Variants in WDFY2 observed in about 807,000 individuals in gnomAD.
The protein encoded by WDFY2 is WD repeat and FYVE domain containing 2.
Under a neutral mutation model 56.4 loss-of-function variants are expected in WDFY2, and 36 were observed. That is an observed-to-expected ratio of 0.64 (90% CI 0.49 to 0.84). WDFY2 has a LOEUF of 0.84. Among genes scored for constraint, WDFY2 ranks in the 40% least tolerant of loss-of-function variants. The pLI is 0.00. For synonymous variants in WDFY2, 176 were observed against 183.7 expected, an observed-to-expected ratio of 0.96 and a Z score of 0.34; for missense variants, 444 against 512.2, an observed-to-expected ratio of 0.87 and a Z score of 1.29.
chr13:51,593,122 A>G (rs1036408970), intron 1 of WDFY2, among the ~76,000 whole-genome samples: 3 of 152,166 alleles, frequency 2.0e-5, no homozygotes, highest in African/African-American at 7.2e-5. Flanking sequence ...TCTTGCCCTC[A>G]CTTAAACTTT....
chr13:51,758,433 C>T (rs1339579393), intron 11 of WDFY2, 133 bp downstream of exon 11: 1 of 509,374 alleles, frequency 2.0e-6, no homozygotes, highest in Non-Finnish European at 3.5e-6. Context: ...TGTCTGTAGT[C>T]CCAGCTACTC....
At chr13:51,599,788 A>G (rs1954230268) in intron 1 of WDFY2, among the ~76,000 whole-genome samples, 1 of 152,196 alleles carries the variant, frequency 6.6e-6, no homozygotes, top group African/African-American at 2.4e-5. Context: ...ATAAAGTGAC[A>G]ATTGAAACAA....
At chr13:51,610,101 G>A (rs1954468091) in intron 1 of WDFY2, among the ~76,000 whole-genome samples, 1 of 152,126 alleles carries the variant, frequency 6.6e-6, no homozygotes, top group Admixed American at 6.5e-5. Flanking sequence ...CTGGGGTTGG[G>A]GTGGTGAATG....
chr13:51,684,187 G>A (rs1956022535), intron 3 of WDFY2, among the ~76,000 whole-genome samples: 2 of 152,110 alleles, frequency 1.3e-5, no homozygotes, highest in African/African-American at 4.8e-5. Context: ...TTGGCACAAA[G>A]AACAGAAGAG....
chr13:51,730,624 C>T (rs781513637), intron 6 of WDFY2, among the ~76,000 whole-genome samples: 5 of 152,212 alleles, frequency 3.3e-5, no homozygotes, highest in Non-Finnish European at 4.4e-5. Flanking sequence ...AAGCACCTTG[C>T]GCTTCTGGGA....
rs67418551 is a variant in WDFY2, at chr13:51,737,551, TAAAAAAAAAAA to T, written c.599-1477_599-1467del. 1.1e-3 allele frequency among the ~76,000 whole-genome samples: 57 copies of T among 53,246 alleles called. No homozygotes were observed. In the East Asian group the frequency reaches 0.017, roughly 16 times the overall value. 34.9% of individuals were successfully genotyped at this position (53,246 alleles called of 152,430 possible). A position where few individuals can be genotyped will look rare whatever the true frequency, so the allele number is the denominator to read the frequency against. ...CTACTGGGGCAGGAGACAATGAATT[TAAAAAAAAAAA>T]AAAAAAAAAAAAAAAAAAAAGAATA... is the stretch of plus-strand genomic sequence containing the variant. On this transcript the variant is annotated intron_variant, in intron 6 of 11. Transcript: ENST00000298125.
At chr13:51,725,413 C>T (rs988370926) in intron 5 of WDFY2, among the ~76,000 whole-genome samples, 7 of 152,116 alleles carry the variant, frequency 4.6e-5, no homozygotes, top group Non-Finnish European at 1.5e-5. Context: ...TTTGCTCAGG[C>T]ATGGTGGCTC....
intron 1 of WDFY2, among the ~76,000 whole-genome samples, chr13:51,656,456 G>A (rs778544346): frequency 1.3e-5 from 2 of 151,978 alleles, no homozygotes; most frequent in African/African-American, 4.8e-5. Context: ...AGAAAAACAT[G>A]TATGTTCTGT....
At chr13:51,683,808 G>T (rs949929130) in intron 3 of WDFY2, among the ~76,000 whole-genome samples, 1 of 152,158 alleles carries the variant, frequency 6.6e-6, no homozygotes, top group African/African-American at 2.4e-5. Flanking sequence ...GTGGTATTAG[G>T]TATGTCCTAG....
At chr13:51,712,192 C>G (rs1952235923) in intron 4 of WDFY2, among the ~76,000 whole-genome samples, 1 of 152,160 alleles carries the variant, frequency 6.6e-6, no homozygotes, top group Non-Finnish European at 1.5e-5. Context: ...CAAACTATTG[C>G]AAGGACAGAA....
chr13:51,700,004 C>T (rs967162915), intron 3 of WDFY2, among the ~76,000 whole-genome samples: 16 of 152,164 alleles, frequency 1.1e-4, no homozygotes, highest in African/African-American at 3.6e-4. Context: ...TAAGTTAGAA[C>T]TACGTGCTTC....
chr13:51,615,318 A>G (rs1470999443), intron 1 of WDFY2, among the ~76,000 whole-genome samples: 1 of 152,202 alleles, frequency 6.6e-6, no homozygotes, highest in East Asian at 1.9e-4. Context: ...AGTAAAAAAT[A>G]AAGTTGGAAA....
chr13:51,761,845 T>C lies in WDFY2; in HGVS notation c.*2076T>C, dbSNP rs1188731554. On this transcript the variant is annotated 3_prime_UTR_variant, in exon 12 of 12. Coordinates refer to ENST00000298125, the MANE Select transcript of WDFY2 (RefSeq NM_052950.4). ...TGAGCCATCAGACCGGCTCAGCCCA[T>C]GTGACCGGAGCTCTGAAGAGGCACA... is the stretch of plus-strand genomic sequence containing the variant. The C allele has an allele frequency of 6.6e-6, 1 of 152,164 alleles. No individual in the cohort carries two copies. Among genetic ancestry groups the C allele is most frequent in the Non-Finnish European group, 1.5e-5 (1 of 68,040 alleles). 9.4% of individuals were successfully genotyped at this position (152,164 alleles called of 1,614,324 possible).
intron 3 of WDFY2, among the ~76,000 whole-genome samples, chr13:51,695,139 A>C (rs976527989): frequency 2.0e-5 from 3 of 152,134 alleles, no homozygotes; most frequent in African/African-American, 7.2e-5. Context: ...TTCCTCCTGT[A>C]GCTTGGAGTA....
chr13:51,754,101 A>C (rs1262390027), intron 8 of WDFY2, among the ~76,000 whole-genome samples: 1 of 151,994 alleles, frequency 6.6e-6, no homozygotes, highest in Non-Finnish European at 1.5e-5. Flanking sequence ...AAAAAAAAAA[A>C]AAAAAAAAAG....
chr13:51,655,642 A>C (rs1020457344), intron 1 of WDFY2, among the ~76,000 whole-genome samples: 2 of 152,096 alleles, frequency 1.3e-5, no homozygotes, highest in Admixed American at 6.5e-5. Context: ...TTAAGTCTGT[A>C]GTTTTCTTGT....
At chr13:51,741,202 C>T (rs772354156) in intron 7 of WDFY2, among the ~76,000 whole-genome samples, 18 of 152,202 alleles carry the variant, frequency 1.2e-4, no homozygotes, top group Non-Finnish European at 1.9e-4. Flanking sequence ...GCCCTTAGAA[C>T]TTGCACAGGT....
At chr13:51,737,551 T>TAAAAAAAAAAAAAAAAAAAAAAAAA (rs67418551) in intron 6 of WDFY2, among the ~76,000 whole-genome samples, 1 of 53,246 alleles carries the variant, frequency 1.9e-5, no homozygotes, top group Non-Finnish European at 3.2e-5. Flanking sequence ...ACAATGAATT[T>TAAAAAAAAAAAAAAAAAAAAAAAAA]AAAAAAAAAA....
chr13:51,736,189 G>T (rs147635757), intron 6 of WDFY2, among the ~76,000 whole-genome samples: 2 of 152,302 alleles, frequency 1.3e-5, no homozygotes, highest in African/African-American at 4.8e-5. Context: ...CTTCCCATGT[G>T]CTAGGCACTG....
Sources: gnomAD v4.1 joint callset for allele counts (sites outside exome capture counted in the v4.1 genomes callset) on GRCh38, gnomAD v4.1.1 for gene constraint, MANE v1.5 for transcripts, NCBI Gene and HGNC (gene_info 2026-07-23, HGNC 2026-07-21) for gene names.